MIDEAS: variants seen among roughly 807,000 people sequenced by gnomAD.
MIDEAS encodes mitotic deacetylase-associated SANT domain protein.
In MIDEAS, 26 loss-of-function variants were observed where a neutral mutation model predicts 102.7. The ratio of observed to expected loss-of-function variants is 0.25; its 90% CI spans 0.19 to 0.35. MIDEAS has a LOEUF of 0.35. Ranked by LOEUF, MIDEAS falls within the 10% of genes least tolerant of loss-of-function variation. The pLI, the probability that MIDEAS is intolerant of heterozygous loss-of-function variation, is 1.00. For synonymous variants in MIDEAS, 585 were observed against 591.0 expected, an observed-to-expected ratio of 0.99 and a Z score of 0.15; for missense variants, 1,231 against 1,435.6, an observed-to-expected ratio of 0.86 and a Z score of 2.30.
At position 73,725,394 on chromosome 14, in the gene MIDEAS, G is replaced by C; in HGVS notation, c.2486-34C>G. ...CAAAGAGGCAGCCAGGGAGTGAGGT[G>C]GGCAGGGCCCTGGCCACTGCAGGGC... On this transcript the variant is annotated intron_variant, in intron 8 of 12. Coordinates refer to ENST00000423556, the MANE Select transcript of MIDEAS (RefSeq NM_001367710.1). The surrounding 1 kb of genome is among the most constrained non-coding windows in gnomAD (Gnocchi z 4.1). 2 of 1,587,398 alleles carry C rather than the reference G, an allele frequency of 1.3e-6. No individual in the cohort carries two copies. The highest frequency in any genetic ancestry group is 1.7e-6 in the Non-Finnish European group (2 of 1,156,070).
At chr14:73,753,511 C>T (rs974190357) in intron 1 of MIDEAS, among the ~76,000 whole-genome samples, 11 of 152,212 alleles carry the variant, frequency 7.2e-5, no homozygotes, top group African/African-American at 2.4e-4. Context: ...TTGTGGGATT[C>T]AATGAGGTAA....
chr14:73,761,107 G>T (rs1566604365), upstream of MIDEAS, among the ~76,000 whole-genome samples: 1 of 152,110 alleles, frequency 6.6e-6, no homozygotes, highest in Non-Finnish European at 1.5e-5. Flanking sequence ...CGGCGGCGGT[G>T]GTGGCGGTGG....
At chr14:73,777,989 A>G (rs558290298) in intron 1 of MIDEAS, among the ~76,000 whole-genome samples, 2 of 152,108 alleles carry the variant, frequency 1.3e-5, no homozygotes, top group African/African-American at 4.8e-5. Flanking sequence ...CACAGAGCCA[A>G]GTACACAGTA....
chr14:73,745,663 C>T (rs930665225), intron 1 of MIDEAS, among the ~76,000 whole-genome samples: 9 of 152,184 alleles, frequency 5.9e-5, no homozygotes, highest in African/African-American at 1.2e-4. Context: ...AGGCCCTAGA[C>T]AAACCTTCCC....
At chr14:73,749,769 AAACG>A (rs1028450077) in intron 1 of MIDEAS, among the ~76,000 whole-genome samples, 2 of 152,094 alleles carry the variant, frequency 1.3e-5, no homozygotes, top group African/African-American at 4.8e-5. Context: ...AACTTACAGG[AAACG>A]AAGGTTAAAA....
intron 1 of MIDEAS, among the ~76,000 whole-genome samples, chr14:73,768,005 C>A (rs1027497580): frequency 4.2e-4 from 64 of 151,654 alleles, no homozygotes; most frequent in African/African-American, 1.5e-3. Context: ...ACAAAAAATA[C>A]AAAAATTAGC....
At chr14:73,764,339 C>CAAA (rs5809629), upstream of MIDEAS, among the ~76,000 whole-genome samples, 28 of 88,248 alleles carry the variant, frequency 3.2e-4, no homozygotes, top group African/African-American at 1.1e-3. Context: ...GACCCTGTCT[C>CAAA]AAAAAAAAAA....
intron 4 of MIDEAS, chr14:73,727,956 C>T (rs760068649): frequency 3.2e-5 from 5 of 156,744 alleles, no homozygotes; most frequent in Admixed American, 6.4e-5. Context: ...TGAAGGGGAT[C>T]GCTGTTTTAT....
intron 9 of MIDEAS, chr14:73,724,677 G>C (rs1373755197): frequency 1.9e-5 from 3 of 156,092 alleles, no homozygotes; most frequent in African/African-American, 7.2e-5. Flanking sequence ...TCCCTTGGCA[G>C]TCCACACAAT....
At chr14:73,777,371 T>C (rs2053701123) in intron 1 of MIDEAS, among the ~76,000 whole-genome samples, 1 of 152,018 alleles carries the variant, frequency 6.6e-6, no homozygotes, top group South Asian at 2.1e-4. Context: ...AGCCACCAGA[T>C]AGCCTTCCAA....
chr14:73,730,017 GC>G (rs146009177), intron 3 of MIDEAS, 32 bp from the exon 4 acceptor site: 24,375 of 1,599,462 alleles, frequency 0.015, 231 homozygotes, highest in East Asian at 0.042. Flanking sequence ...GGACGGCTCA[GC>G]CCCCCGTGTC....
intron 10 of MIDEAS, 120 bp downstream of exon 10, chr14:73,722,578 A>G (rs2053009441): frequency 2.4e-6 from 3 of 1,229,584 alleles, no homozygotes; most frequent in Non-Finnish European, 3.4e-6. Flanking sequence ...TGTCAGGGAC[A>G]CTGTCTTCCT....
In MIDEAS at chr14:73,719,374, T is replaced by G. The variant is rs2140091631; in HGVS notation, c.3065A>C (p.Lys1022Thr). Residue 1022 changes from lysine to threonine, a missense_variant, in exon 12 of 13, where the codon AAG (lysine) becomes ACG (threonine). Physicochemically the swap from Lys to Thr is moderately conservative, Grantham distance 78 (BLOSUM62 -1). Transcript: ENST00000423556. ...SRRALPFSEK[K>T]KKTETFSKTQ... is the part of the protein sequence containing the mutation. ...CTTACTGAATGTCTCTGTTTTTTTC[T>G]TCTTCTCTGAAAAAGGTAGTGCCCT... The G allele has an allele frequency of 6.2e-7, 1 of 1,614,090 alleles. No individual in the cohort carries two copies. The highest frequency in any genetic ancestry group is 8.5e-7 in the Non-Finnish European group (1 of 1,180,008).
chr14:73,771,808 TGTAA>T (rs1420163272), intron 1 of MIDEAS, among the ~76,000 whole-genome samples: 5 of 152,208 alleles, frequency 3.3e-5, no homozygotes, highest in Admixed American at 1.3e-4. Context: ...TGTGCAACAA[TGTAA>T]GTGAGCAAGA....
chr14:73,773,492 C>T (rs1008749281), intron 1 of MIDEAS, among the ~76,000 whole-genome samples: 9 of 151,798 alleles, frequency 5.9e-5, no homozygotes, highest in African/African-American at 2.2e-4. Flanking sequence ...CCTCCCTGGA[C>T]ATCAACCCAC....
chr14:73,719,071 G>A (rs1002196483), intron 12 of MIDEAS, 63 bp from the exon 13 acceptor site: 126 of 1,447,174 alleles, frequency 8.7e-5, no homozygotes, highest in Non-Finnish European at 1.1e-4. Context: ...CAGCGCGGGT[G>A]CGCGAGGAGC....
At chr14:73,776,417 C>G (rs2053688680) in intron 1 of MIDEAS, among the ~76,000 whole-genome samples, 1 of 151,614 alleles carries the variant, frequency 6.6e-6, no homozygotes, top group Non-Finnish European at 1.5e-5. Context: ...GGTATGGTGG[C>G]TCATGCCTGT....
chr14:73,786,990 C>G (rs893604739), intron 1 of MIDEAS: 5 of 151,312 alleles, frequency 3.3e-5, no homozygotes, highest in African/African-American at 1.2e-4. Context: ...AGCGCCCGGC[C>G]CAACCCGGCC....
intron 4 of MIDEAS, chr14:73,728,244 C>T (rs955126551): frequency 2.3e-5 from 3 of 128,216 alleles, no homozygotes; most frequent in African/African-American, 6.6e-5. Context: ...GATCAAAACA[C>T]TCCTTTGCTT....
Sources: gnomAD v4.1 joint callset for allele counts (sites outside exome capture counted in the v4.1 genomes callset) on GRCh38, gnomAD v4.1.1 for gene constraint, Gnocchi (gnomAD v3.1) non-coding constraint, MANE v1.5 for transcripts, NCBI Gene and HGNC (gene_info 2026-07-23, HGNC 2026-07-21) for gene names.